Variants in FCGR1A observed in about 807,000 individuals in gnomAD.
The protein encoded by FCGR1A is high affinity immunoglobulin gamma Fc receptor I.
A neutral mutation model predicts 35.0 loss-of-function variants in FCGR1A; 13 were observed. The ratio of observed to expected loss-of-function variants is 0.37; its 90% CI spans 0.24 to 0.59. FCGR1A has a LOEUF of 0.59. Ranked by LOEUF, FCGR1A falls within the 20% of genes least tolerant of loss-of-function variation. The probability of loss-of-function intolerance (pLI) is 0.71; values close to 1 mark genes in which losing one functional copy is unlikely to be tolerated. For synonymous variants in FCGR1A, 91 were observed against 164.7 expected, an observed-to-expected ratio of 0.55 and a Z score of 3.43; for missense variants, 227 against 430.0, an observed-to-expected ratio of 0.53 and a Z score of 4.17.
chr1:149,793,232 G>C, downstream of FCGR1A: 1 of 1,261,024 alleles, frequency 7.9e-7, no homozygotes, highest in South Asian at 1.3e-5. Flanking sequence ...CGCAAGAGCA[G>C]CCGGAGGCGG....
chr1:149,798,737 A>G, the FCGR1A span, among the ~76,000 whole-genome samples: 1 of 152,046 alleles, frequency 6.6e-6, no homozygotes, highest in Non-Finnish European at 1.5e-5. Flanking sequence ...TCAGCCTCCT[A>G]AGTAGCTGGG....
chr1:149,785,969 A>C (rs1438520112), intron 3 of FCGR1A: 1 of 152,076 alleles, frequency 6.6e-6, no homozygotes, highest in Non-Finnish European at 1.5e-5. Flanking sequence ...CATGTTGTAA[A>C]TTGAAGTTCA....
At chr1:149,799,412 T>C in the FCGR1A span, among the ~76,000 whole-genome samples, 1 of 152,368 alleles carries the variant, frequency 6.6e-6, no homozygotes, top group Non-Finnish European at 1.5e-5. Context: ...CTTCTCATCA[T>C]GTATGCTCAG....
At chr1:149,797,057 C>T in the FCGR1A span, among the ~76,000 whole-genome samples, 3 of 152,108 alleles carry the variant, frequency 2.0e-5, no homozygotes, top group African/African-American at 7.2e-5. Flanking sequence ...GAATTATAGG[C>T]ACACGCCACC....
At chr1:149,792,779 G>A (rs1553752201), downstream of FCGR1A, 2 of 1,278,428 alleles carry the variant, frequency 1.6e-6, no homozygotes, top group South Asian at 1.2e-5. Context: ...CCTGGAGGCT[G>A]CAGGAGCGAG....
At chr1:149,799,488 T>C in the FCGR1A span, among the ~76,000 whole-genome samples, 4 of 151,708 alleles carry the variant, frequency 2.6e-5, no homozygotes, top group Admixed American at 6.6e-5. Flanking sequence ...ATATCCTCCT[T>C]TTATTCCTTT....
chr1:149,791,184 G>A (rs1553751800), intron 5 of FCGR1A, 53 bp from the exon 6 acceptor site: 3 of 1,605,304 alleles, frequency 1.9e-6, no homozygotes, highest in East Asian at 2.3e-5. Flanking sequence ...AACTCAGCTA[G>A]ACCCCTCTGG....
chr1:149,789,401 A>G (rs1452766295), intron 4 of FCGR1A, among the ~76,000 whole-genome samples: 5 of 150,178 alleles, frequency 3.3e-5, no homozygotes, highest in Non-Finnish European at 7.4e-5. Context: ...TCAAATAATA[A>G]TAATAATAAT....
downstream of FCGR1A, chr1:149,793,040 G>T (rs587684050): frequency 4.0e-6 from 5 of 1,262,214 alleles, no homozygotes; most frequent in Middle Eastern, 3.3e-4. Flanking sequence ...GCCAGCTCCC[G>T]GGCCCCGGCG....
downstream of FCGR1A, chr1:149,792,692 G>C (rs781803172): frequency 3.1e-6 from 4 of 1,281,630 alleles, 1 homozygote; most frequent in African/African-American, 6.2e-5. Flanking sequence ...GGACCCAGCT[G>C]CGGCGAAAGC....
chr1:149,788,739 A>C, intron 4 of FCGR1A, 122 bp downstream of exon 4: 1 of 1,153,662 alleles, frequency 8.7e-7, no homozygotes, highest in Non-Finnish European at 1.2e-6. Flanking sequence ...GGTAAACTGC[A>C]TTACTAAAGG....
At chr1:149,788,322 A>G in intron 3 of FCGR1A, 44 bp from the exon 4 acceptor site, 1 of 1,611,720 alleles carries the variant, frequency 6.2e-7, no homozygotes, top group South Asian at 1.1e-5. Context: ...GCCTCCTTGT[A>G]CCTCCTCCAC....
chr1:149,782,872 T>G, intron 1 of FCGR1A, 98 bp downstream of exon 1: 5 of 1,583,038 alleles, frequency 3.2e-6, no homozygotes, highest in Non-Finnish European at 4.3e-6. Flanking sequence ...GTAGAACTCA[T>G]GAGTATGAAG....
intron 3 of FCGR1A, chr1:149,787,818 C>T: frequency 5.9e-6 from 1 of 168,344 alleles, no homozygotes; most frequent in Admixed American, 5.5e-5. Context: ...TTTCTTGCTG[C>T]CCATCAGTGG....
chr1:149,800,143 T>C, the FCGR1A span, among the ~76,000 whole-genome samples: 1 of 152,054 alleles, frequency 6.6e-6, no homozygotes, highest in Non-Finnish European at 1.5e-5. Context: ...AGAGAAACAC[T>C]TGGGTTTACT....
At position 149,791,420 on chromosome 1, in the gene FCGR1A, A is replaced by G. The variant is rs2091708564; in HGVS notation, c.1028A>G (p.Glu343Gly). 1 of 1,604,006 alleles carries G rather than the reference A, an allele frequency of 6.2e-7. No individual in the cohort carries two copies. Among genetic ancestry groups the G allele is most frequent in the Admixed American group, 1.7e-5 (1 of 59,496 alleles). ...HEKKVISSLQ[E>G]DRHLEEELKC... ...AAGAAGGTAATTTCCAGCCTTCAAG[A>G]AGACAGACATTTAGAAGAAGAGCTG... is the stretch of plus-strand genomic sequence containing the variant. Residue 343 changes from glutamate to glycine, a missense_variant, in exon 6 of 6, where the codon GAA becomes GGA. Physicochemically the swap from Glu to Gly is moderately conservative, Grantham distance 98. This residue lies in a region of FCGR1A where 39 missense variants were observed against 101.3 expected (regional missense o/e 0.38). Coordinates refer to ENST00000369168, the MANE Select transcript of FCGR1A (RefSeq NM_000566.4).
intron 3 of FCGR1A, 133 bp from the exon 4 acceptor site, chr1:149,788,233 A>G: frequency 6.3e-7 from 1 of 1,599,270 alleles, no homozygotes; most frequent in Non-Finnish European, 8.5e-7. Flanking sequence ...GGAACTGGAT[A>G]TAGGCCTGAG....
rs782489862 is a variant in FCGR1A at position 149,791,507 on chromosome 1, G to A, written c.1115G>A (p.Gly372Glu). 3 of 1,610,092 alleles carry A rather than the reference G, an allele frequency of 1.9e-6. No homozygotes were observed. The highest frequency in any genetic ancestry group is 2.5e-6 in the Non-Finnish European group (3 of 1,179,462). ...GGGGTGCACCGGAAGGAGCCCCAGG[G>A]GGCCACGTAGCAGCGGCTCAGTGGG... is the stretch of plus-strand genomic sequence containing the variant. ...QEGVHRKEPQ[G>E]AT Residue 372 changes from glycine to glutamate, a missense_variant, in exon 6 of 6, where the codon GGG (glycine) becomes GAG (glutamate). Physicochemically the swap from Gly to Glu is moderately conservative, Grantham distance 98. This residue lies in a region of FCGR1A where 39 missense variants were observed against 101.3 expected (regional missense o/e 0.38). Transcript: ENST00000369168.
At chr1:149,799,225 C>T in the FCGR1A span, among the ~76,000 whole-genome samples, 8 of 145,698 alleles carry the variant, frequency 5.5e-5, no homozygotes, top group African/African-American at 2.0e-4. Context: ...TAATTGAATT[C>T]AAAATTATTT....
Sources: gnomAD v4.1 joint callset for allele counts (sites outside exome capture counted in the v4.1 genomes callset) on GRCh38, gnomAD v4.1.1 for gene constraint, gnomAD v4.1.1 regional missense constraint, MANE v1.5 for transcripts, NCBI Gene and HGNC (gene_info 2026-07-23, HGNC 2026-07-21) for gene names.